The following GNB5 variants were observed in gnomAD, a reference collection of about 807,000 sequenced individuals.
GNB5 encodes the protein guanine nucleotide-binding protein subunit beta-5.
In GNB5, 37 loss-of-function variants were observed where a neutral mutation model predicts 55.3. The observed-to-expected ratio is 0.67, with a 90% CI of 0.51 to 0.88. The LOEUF is 0.88. Among genes scored for constraint, GNB5 ranks in the 40% least tolerant of loss-of-function variants. The pLI is 0.00. For missense variants in GNB5, 476 were observed against 515.3 expected (o/e 0.92, Z 0.74); for synonymous variants, 219 against 198.5 (o/e 1.10, Z -0.87).
At chr15:52,130,084 G>T (rs545358976) in intron 9 of GNB5, among the ~76,000 whole-genome samples, 2 of 152,308 alleles carry the variant, frequency 1.3e-5, no homozygotes, top group East Asian at 3.9e-4. Flanking sequence ...GTAGGCCAGT[G>T]GGGGCAGGAG....
intron 3 of GNB5, among the ~76,000 whole-genome samples, chr15:52,157,469 C>T (rs1290128260): frequency 6.6e-6 from 1 of 152,060 alleles, no homozygotes; most frequent in Non-Finnish European, 1.5e-5. Context: ...TGGTCTCGAT[C>T]ATCTGACCTC....
At chr15:52,150,619 A>G (rs1442314988) in intron 4 of GNB5, among the ~76,000 whole-genome samples, 1 of 152,114 alleles carries the variant, frequency 6.6e-6, no homozygotes, top group Non-Finnish European at 1.5e-5. Flanking sequence ...AGCAAACAGC[A>G]CTCCCTGCCA....
chr15:52,156,881 C>T (rs889484879), intron 3 of GNB5, among the ~76,000 whole-genome samples: 3 of 152,152 alleles, frequency 2.0e-5, no homozygotes, highest in Middle Eastern at 3.4e-3. Context: ...TTTACAAATA[C>T]GTTCTTTACA....
chr15:52,140,105 A>C (rs1179821856), intron 7 of GNB5: 2 of 408,622 alleles, frequency 4.9e-6, no homozygotes, highest in South Asian at 3.4e-5. Context: ...TGACACTGCA[A>C]GTCCCAACAT....
At chr15:52,150,753 A>T (rs1287296354) in intron 4 of GNB5, among the ~76,000 whole-genome samples, 1 of 152,160 alleles carries the variant, frequency 6.6e-6, no homozygotes, top group Non-Finnish European at 1.5e-5. Flanking sequence ...AACCCATTAG[A>T]GGTAAATCCA....
intron 6 of GNB5, among the ~76,000 whole-genome samples, chr15:52,141,658 C>T (rs977884524): frequency 3.3e-5 from 5 of 152,220 alleles, no homozygotes; most frequent in Non-Finnish European, 4.4e-5. Flanking sequence ...CCCTTAGATT[C>T]ACAGACTTAA....
intron 5 of GNB5, among the ~76,000 whole-genome samples, chr15:52,148,336 G>C (rs1281225615): frequency 7.2e-5 from 11 of 152,174 alleles, no homozygotes; most frequent in African/African-American, 2.7e-4. Context: ...GTCAGGGGAG[G>C]GGAGGGTGAT....
chr15:52,133,517 A>G lies in GNB5; in HGVS notation c.772-48T>C, dbSNP rs773482693. 6 of 1,198,052 alleles carry G rather than the reference A, an allele frequency of 5.0e-6. No individual in the cohort carries two copies. The South Asian group carries it at 6.0e-5, about 12-fold the overall frequency. 74.2% of individuals were successfully genotyped at this position (1,198,052 alleles called of 1,614,324 possible). A position where few individuals can be genotyped will look rare whatever the true frequency, so the allele number is the denominator to read the frequency against. ...GTTATGGCCACTTTAAGGAATGTCTATAGACAAGGCACGAGTCCCAGTTAT... is the reference window on the plus strand; with the variant it reads ...GTTATGGCCACTTTAAGGAATGTCTGTAGACAAGGCACGAGTCCCAGTTAT... On this transcript the variant is annotated intron_variant, in intron 8 of 12. Coordinates refer to ENST00000261837, the MANE Select transcript of GNB5 (RefSeq NM_016194.4).
intron 7 of GNB5, chr15:52,138,336 TC>T: frequency 5.7e-6 from 1 of 174,868 alleles, no homozygotes; most frequent in South Asian, 1.0e-4. Context: ...TGAGCTGAGA[TC>T]ACGCCACTGT....
At chr15:52,161,140 C>T (rs1257223181) in intron 3 of GNB5, among the ~76,000 whole-genome samples, 2 of 152,268 alleles carry the variant, frequency 1.3e-5, no homozygotes, top group East Asian at 3.9e-4. Flanking sequence ...GGCTAAGGAC[C>T]TCATGCACAC....
Position 52,179,785 on chromosome 15 carries a change from T to G in GNB5, c.221A>C (p.Lys74Thr). 6.6e-7 allele frequency: 1 copy of G among 1,522,020 alleles called. No individual in the cohort carries two copies. Among genetic ancestry groups the G allele is most frequent in the Admixed American group, 1.9e-5 (1 of 51,502 alleles). The allele number at this position is 1,522,020 out of a possible 1,614,324, so 94.3% of individuals were successfully genotyped here. A position where few individuals can be genotyped will look rare whatever the true frequency, so the allele number is the denominator to read the frequency against. The stretch of plus-strand genomic sequence containing the variant: ...GCACTCACGCTCCACATCGTGCAGC[T>G]TGGCTCGCTCCTCCTCCAGCTTGCC... ...LKGKLEEERA[K>T]LHDVELHQVA... The change falls in exon 3 of 13, where the codon AAG becomes ACG. Residue 74 changes from lysine to threonine, a missense_variant. Lys to Thr is a moderately conservative substitution (Grantham distance 78, BLOSUM62 -1). Coordinates refer to ENST00000261837, the MANE Select transcript of GNB5 (RefSeq NM_016194.4).
At chr15:52,182,873 C>T (rs912210931) in intron 2 of GNB5, among the ~76,000 whole-genome samples, 3 of 152,214 alleles carry the variant, frequency 2.0e-5, no homozygotes, top group South Asian at 2.1e-4. Context: ...TTGTGTGGGC[C>T]GGGCGCAGTG....
rs1243957202 is a variant in GNB5, at chr15:52,117,089, A to AATTTATATATATAT, written c.*5667_*5668insATATATATATAAAT. On this transcript the variant is annotated 3_prime_UTR_variant, in exon 13 of 13. Transcript: ENST00000261837. Reference sequence around the variant, plus strand: ...CAGGCACCTGCCACCACGCCCAGCTAATATATATATATATTTTTTTTTAGT... The same window carrying AATTTATATATATAT: ...CAGGCACCTGCCACCACGCCCAGCTAATTTATATATATATATATATATATATATTTTTTTTTAGT... 1 of 85,474 alleles carries AATTTATATATATAT rather than the reference A, an allele frequency of 1.2e-5. No homozygotes were observed. Among genetic ancestry groups the AATTTATATATATAT allele is most frequent in the African/African-American group, 1.1e-4 (1 of 8,820 alleles). 5.3% of individuals were successfully genotyped at this position (85,474 alleles called of 1,614,324 possible).
At chr15:52,170,253 A>G (rs1319798752) in intron 3 of GNB5, among the ~76,000 whole-genome samples, 2 of 152,226 alleles carry the variant, frequency 1.3e-5, no homozygotes, top group African/African-American at 4.8e-5. Flanking sequence ...CTATTAAAAG[A>G]TACATGCACG....
chr15:52,117,102 A>ATATATATATATATATATATATATATATTT lies in GNB5; in HGVS notation c.*5654_*5655insAAATATATATATATATATATATATATATA. On this transcript the variant is annotated 3_prime_UTR_variant, in exon 13 of 13. Coordinates refer to ENST00000261837, the MANE Select transcript of GNB5 (RefSeq NM_016194.4). ...CCACGCCCAGCTAATATATATATAT[A>ATATATATATATATATATATATATATATTT]TTTTTTTTTAGTACAGACAGGGTTT... 4 of 87,098 alleles carry ATATATATATATATATATATATATATATTT rather than the reference A, an allele frequency of 4.6e-5. No homozygotes were observed. Among genetic ancestry groups the ATATATATATATATATATATATATATATTT allele is most frequent in the East Asian group, 3.4e-4 (1 of 2,952 alleles). The allele number at this position is 87,098 out of a possible 1,614,324, so 5.4% of individuals were successfully genotyped here. A position where few individuals can be genotyped will look rare whatever the true frequency, so the allele number is the denominator to read the frequency against.
chr15:52,172,393 G>A lies in GNB5; in HGVS notation c.238+7375C>T, dbSNP rs186502665. ...ACTCCTGGGCTCAAGTGATCTTTCC[G>A]TTTTAGCCTTCCAAAGTGAGCCACC... On this transcript the variant is annotated intron_variant, in intron 3 of 12. Coordinates refer to ENST00000261837, the MANE Select transcript of GNB5 (RefSeq NM_016194.4). Among the ~76,000 whole-genome samples the A allele has an allele frequency of 1.4e-4, 22 of 151,938 alleles. No individual in the cohort carries two copies. The East Asian group carries it at 3.7e-3, about 25-fold the overall frequency.
intron 3 of GNB5, among the ~76,000 whole-genome samples, chr15:52,157,562 A>ATAT (rs2034240852): frequency 6.6e-6 from 1 of 152,132 alleles, no homozygotes; most frequent in South Asian, 2.1e-4. Flanking sequence ...CTTTTATATA[A>ATAT]GGCTCTATCG....
intron 3 of GNB5, among the ~76,000 whole-genome samples, chr15:52,167,276 G>A (rs185565805): frequency 2.6e-5 from 4 of 152,260 alleles, no homozygotes; most frequent in Admixed American, 1.3e-4. Flanking sequence ...CCTTTCTTCT[G>A]AAACTATTCT....
At position 52,118,288 on chromosome 15, in the gene GNB5, G is replaced by C. The variant is rs142009864; in HGVS notation, c.*4469C>G. 1 of 152,162 alleles carries C rather than the reference G, an allele frequency of 6.6e-6. No homozygotes were observed. Among genetic ancestry groups the C allele is most frequent in the African/African-American group, 2.4e-5 (1 of 41,424 alleles). The allele number at this position is 152,162 out of a possible 1,614,324, so 9.4% of individuals were successfully genotyped here. On this transcript the variant is annotated 3_prime_UTR_variant, in exon 13 of 13. Transcript: ENST00000261837. ...CAGCTGTTCTCAAAGCAAGATCCAG[G>C]GCCCCCGAGGGTCCCTGAGACCCTT...
Sources: allele counts gnomAD v4.1 joint callset (sites outside exome capture counted in the v4.1 genomes callset), GRCh38; gene constraint gnomAD v4.1.1; transcripts MANE v1.5; gene names NCBI Gene and HGNC (gene_info 2026-07-23, HGNC 2026-07-21).